The following MACROD1 variants were observed in gnomAD, a reference collection of about 807,000 sequenced individuals.
MACROD1 encodes the protein mono-ADP ribosylhydrolase 1, also known as ADP-ribose glycohydrolase MACROD1.
Under a neutral mutation model 41.4 loss-of-function variants are expected in MACROD1, and 31 were observed. That is an observed-to-expected ratio of 0.75 (90% CI 0.56 to 1.01). MACROD1 has a LOEUF of 1.01. MACROD1 is among the 50% of genes least tolerant of loss of function. MACROD1 has a pLI of 0.00. For missense variants in MACROD1, 473 were observed against 460.0 expected (o/e 1.03, Z -0.26); for synonymous variants, 252 against 203.4 (o/e 1.24, Z -2.03).
intron 3 of MACROD1, among the ~76,000 whole-genome samples, chr11:64,141,021 G>A (rs1945405307): frequency 6.6e-6 from 1 of 152,232 alleles, no homozygotes; most frequent in African/African-American, 2.4e-5. Context: ...TGTGGTCCCA[G>A]CAACTCGGGA....
intron 3 of MACROD1, among the ~76,000 whole-genome samples, chr11:64,132,529 C>T (rs958665259): frequency 1.3e-5 from 2 of 152,232 alleles, no homozygotes; most frequent in African/African-American, 4.8e-5. Flanking sequence ...CAGGGACGGG[C>T]GGGTCCTGAG....
intron 3 of MACROD1, among the ~76,000 whole-genome samples, chr11:64,143,743 GACACACACATACACACACAC>G (rs1945447370): frequency 2.8e-5 from 2 of 71,514 alleles, no homozygotes; most frequent in Admixed American, 2.4e-4. Flanking sequence ...CCCCAACCCC[GACACACACATACACACACAC>G]ACACACACAC....
chr11:64,065,765 G>T (rs1455513493), intron 3 of MACROD1, among the ~76,000 whole-genome samples: 1 of 146,156 alleles, frequency 6.8e-6, no homozygotes, highest in Non-Finnish European at 1.5e-5. Context: ...ACTCCAGCCT[G>T]GGCGACAGAG....
chr11:64,038,374 C>T (rs939660017), intron 3 of MACROD1, among the ~76,000 whole-genome samples: 1 of 152,192 alleles, frequency 6.6e-6, no homozygotes, highest in African/African-American at 2.4e-5. Flanking sequence ...GGGTGTTCTG[C>T]GTGTGGGTGC....
At chr11:64,095,572 G>T (rs1216372521) in intron 3 of MACROD1, among the ~76,000 whole-genome samples, 1 of 152,236 alleles carries the variant, frequency 6.6e-6, no homozygotes, top group Non-Finnish European at 1.5e-5. Flanking sequence ...TGGGAGGGAA[G>T]TAGAGAACTG....
Position 64,001,269 on chromosome 11 carries a change from C to G in MACROD1, c.548-926G>C, listed in dbSNP as rs1033653944. Reference sequence around the variant, plus strand: ...AGATCCTGCCCCTTCCCCTCTCTGGCGTCCACCCTCTTATCTGGAATACCG... The same window carrying G: ...AGATCCTGCCCCTTCCCCTCTCTGGGGTCCACCCTCTTATCTGGAATACCG... On this transcript the variant is annotated intron_variant, in intron 4 of 10. Transcript: ENST00000255681. 61 of 613,190 alleles carry G rather than the reference C, an allele frequency of 9.9e-5. 1 individual carries two copies. The highest frequency in any genetic ancestry group is 1.7e-4 in the Admixed American group (6 of 36,244). The allele number at this position is 613,190 out of a possible 1,614,324, so 38.0% of individuals were successfully genotyped here.
At chr11:64,035,032 G>T (rs1455398038) in intron 3 of MACROD1, among the ~76,000 whole-genome samples, 1 of 152,174 alleles carries the variant, frequency 6.6e-6, no homozygotes, top group Non-Finnish European at 1.5e-5. Context: ...TCTCTAATAG[G>T]TGCCAGGCAC....
At chr11:64,074,335 G>A (rs1053700031) in intron 3 of MACROD1, among the ~76,000 whole-genome samples, 4 of 152,186 alleles carry the variant, frequency 2.6e-5, no homozygotes, top group African/African-American at 7.2e-5. Flanking sequence ...GCAAGGTCCC[G>A]CTCTGGGAGG....
chr11:64,161,624 A>G (rs1362737490), intron 1 of MACROD1, among the ~76,000 whole-genome samples: 1 of 152,230 alleles, frequency 6.6e-6, no homozygotes, highest in Non-Finnish European at 1.5e-5. Flanking sequence ...CAGATCTCCC[A>G]TAATGTGATG....
intron 3 of MACROD1, among the ~76,000 whole-genome samples, chr11:64,072,588 T>G (rs1944130501): frequency 6.6e-6 from 1 of 152,220 alleles, no homozygotes; most frequent in Admixed American, 6.5e-5. Flanking sequence ...TTGGCCATGT[T>G]TGCTGGGGCC....
intron 2 of MACROD1, among the ~76,000 whole-genome samples, chr11:64,151,756 C>T (rs1211253172): frequency 6.6e-6 from 1 of 152,182 alleles, no homozygotes; most frequent in Admixed American, 6.5e-5. Flanking sequence ...CAAGTAATCT[C>T]GGGCAGGTGG....
Position 64,050,399 on chromosome 11 carries a change from C to T in MACROD1, c.518-35118G>A, listed in dbSNP as rs189805656. 4.2e-3 allele frequency among the ~76,000 whole-genome samples: 645 copies of T among 152,360 alleles called. 3 individuals carry two copies. The highest frequency in any genetic ancestry group is 0.027 in the Middle Eastern group (8 of 294). ...AGCTGGACACGTAGGGGTCCTGGGG[C>T]CAGGCCCTTGGCCAGCCCTCAGTGT... On this transcript the variant is annotated intron_variant, in intron 3 of 10. Transcript: ENST00000255681.
At chr11:64,092,616 C>A (rs2134528303) in intron 3 of MACROD1, among the ~76,000 whole-genome samples, 1 of 152,364 alleles carries the variant, frequency 6.6e-6, no homozygotes, top group South Asian at 2.1e-4. Context: ...TCATTCAGCC[C>A]TCACTTGCTG....
intron 3 of MACROD1, among the ~76,000 whole-genome samples, chr11:64,069,090 C>G (rs1263576244): frequency 6.6e-6 from 1 of 152,194 alleles, no homozygotes; most frequent in Non-Finnish European, 1.5e-5. Context: ...GGAGAAGGAG[C>G]CCTGGAGAAC....
intron 3 of MACROD1, among the ~76,000 whole-genome samples, chr11:64,029,372 G>A (rs1006400410): frequency 6.6e-6 from 1 of 152,108 alleles, no homozygotes; most frequent in Non-Finnish European, 1.5e-5. Context: ...GGGGTGGGGG[G>A]ATCCCCAGTA....
At chr11:64,002,615 T>C (rs1942844680) in intron 4 of MACROD1, among the ~76,000 whole-genome samples, 2 of 152,126 alleles carry the variant, frequency 1.3e-5, no homozygotes, top group Admixed American at 1.3e-4. Context: ...TGTCCCTCCC[T>C]GTCCACACAC....
At chr11:64,000,925 T>C (rs320156) in intron 4 of MACROD1, among the ~76,000 whole-genome samples, 71,013 of 152,008 alleles carry the variant, frequency 0.47, 17,636 homozygotes, top group African/African-American at 0.62. Context: ...GTAGCTGGAG[T>C]CTGGGTCTTC....
chr11:64,040,197 C>T (rs1943458638), intron 3 of MACROD1, among the ~76,000 whole-genome samples: 1 of 152,132 alleles, frequency 6.6e-6, no homozygotes, highest in African/African-American at 2.4e-5. Flanking sequence ...TACCTCTTCC[C>T]CGTGAAGCCT....
chr11:64,086,090 G>C (rs1324674775), intron 3 of MACROD1, among the ~76,000 whole-genome samples: 1 of 152,298 alleles, frequency 6.6e-6, no homozygotes, highest in South Asian at 2.1e-4. Context: ...GAGCTGAGTC[G>C]GCTGGGCCAG....
Sources: allele counts gnomAD v4.1 joint callset (sites outside exome capture counted in the v4.1 genomes callset), GRCh38; gene constraint gnomAD v4.1.1; transcripts MANE v1.5; gene names NCBI Gene and HGNC (gene_info 2026-07-23, HGNC 2026-07-21).